NBPF11: variants seen among roughly 807,000 people sequenced by gnomAD.
NBPF11 encodes NBPF family member NBPF11.
NBPF11 carries 72 observed loss-of-function variants against 93.9 expected under a neutral mutation model. The observed-to-expected ratio is 0.77, with a 90% CI of 0.63 to 0.93. NBPF11 has a LOEUF of 0.93. Among genes scored for constraint, NBPF11 ranks in the 40% least tolerant of loss-of-function variants. The pLI is 0.00. For missense variants in NBPF11, 705 were observed against 802.2 expected, an observed-to-expected ratio of 0.88 and a Z score of 1.46; for synonymous variants, 224 against 304.9, an observed-to-expected ratio of 0.73 and a Z score of 2.76.
At chr1:148,122,680 A>C (rs1553271873) in intron 8 of NBPF11, 49 bp downstream of exon 8, 2 of 1,603,818 alleles carry the variant, frequency 1.2e-6, no homozygotes, top group Admixed American at 1.7e-5. Context: ...CCTCCTAGAC[A>C]TTTTCATATG....
rs1367068763 is a variant in NBPF11 at position 148,113,296 on chromosome 1, C to A, written c.1637+1141G>T. On this transcript the variant is annotated intron_variant, in intron 15 of 23. Coordinates refer to ENST00000682118, the MANE Select transcript of NBPF11 (RefSeq NM_001385469.3). ...GAAGATCTACCAAGCAAATGGAAAG[C>A]AAAAAAACGCAGGGGTTGCAATCCT... 7.0e-3 allele frequency among the ~76,000 whole-genome samples: 1,066 copies of A among 151,452 alleles called. 30 individuals are homozygous for A. Among genetic ancestry groups the A allele is most frequent in the African/African-American group, 0.025 (1,023 of 41,168 alleles).
intron 1 of NBPF11, among the ~76,000 whole-genome samples, chr1:148,148,700 G>T (rs1647379336): frequency 6.6e-6 from 1 of 152,148 alleles, no homozygotes; most frequent in South Asian, 2.1e-4. Context: ...GGCCAAGGGG[G>T]TGGGCAAGGG....
chr1:148,142,056 G>C (rs1489534930), intron 2 of NBPF11, among the ~76,000 whole-genome samples: 6 of 145,416 alleles, frequency 4.1e-5, no homozygotes, highest in African/African-American at 1.3e-4. Flanking sequence ...CAGGGAGGGA[G>C]GGAGGAAGGG....
At chr1:148,149,090 G>A (rs1439114214) in intron 1 of NBPF11, 17 of 1,386,736 alleles carry the variant, frequency 1.2e-5, no homozygotes, top group East Asian at 2.5e-5. Flanking sequence ...AGCTGGGCCC[G>A]GGGACGCCCG....
intron 1 of NBPF11, chr1:148,146,455 C>T (rs1158956733): frequency 1.9e-5 from 30 of 1,604,400 alleles, no homozygotes; most frequent in East Asian, 6.7e-5. Context: ...CTGCCCCGGC[C>T]GCATCGCTGC....
intron 4 of NBPF11, among the ~76,000 whole-genome samples, chr1:148,129,090 GTATA>G (rs1323758693): frequency 7.2e-6 from 1 of 138,392 alleles, no homozygotes; most frequent in Middle Eastern, 3.7e-3. Flanking sequence ...TGGCACACGT[GTATA>G]TATATATATA....
intron 5 of NBPF11, 53 bp downstream of exon 5, chr1:148,126,776 C>T: frequency 6.3e-7 from 1 of 1,582,476 alleles, no homozygotes; most frequent in Non-Finnish European, 8.6e-7. Flanking sequence ...ATGGAGAGAG[C>T]ATTTAGTGTC....
chr1:148,122,902 G>A (rs587721501), intron 7 of NBPF11, 101 bp from the exon 8 acceptor site: 1 of 1,597,330 alleles, frequency 6.3e-7, no homozygotes, highest in Non-Finnish European at 8.6e-7. Flanking sequence ...GTATGGTTCA[G>A]CATTGTACTG....
At position 148,105,344 on chromosome 1, in the gene NBPF11, A is replaced by T. The variant is rs1249712589; in HGVS notation, c.2472+16T>A. 1.3e-6 allele frequency: 1 copy of T among 759,696 alleles called. No homozygotes were observed. The highest frequency in any genetic ancestry group is 2.4e-6 in the Non-Finnish European group (1 of 415,630). 47.1% of individuals were successfully genotyped at this position (759,696 alleles called of 1,614,324 possible). On this transcript the variant is annotated intron_variant, in intron 22 of 23. Transcript: ENST00000682118. Reference sequence around the variant, plus strand: ...GACTCAGTGGATCCTTATCACCTTCATAGAAAGGTACTCACCTCCCACGTC... The same window carrying T: ...GACTCAGTGGATCCTTATCACCTTCTTAGAAAGGTACTCACCTCCCACGTC...
intron 18 of NBPF11, among the ~76,000 whole-genome samples, chr1:148,108,064 G>T (rs1664198156): frequency 1.3e-5 from 2 of 150,078 alleles, no homozygotes; most frequent in African/African-American, 2.5e-5. Flanking sequence ...GCCCCCAAAT[G>T]GTTGCTAGGA....
chr1:148,104,352 G>A (rs1430704312), intron 23 of NBPF11, among the ~76,000 whole-genome samples, 185 bp downstream of exon 23: 2 of 146,896 alleles, frequency 1.4e-5, no homozygotes, highest in South Asian at 4.2e-4. Context: ...TGGTACGTTA[G>A]TAAATGATAA....
chr1:148,149,585 G>T, intron 1 of NBPF11: 2 of 1,592,982 alleles, frequency 1.3e-6, no homozygotes, highest in East Asian at 2.2e-5. Flanking sequence ...CCAACCAGCC[G>T]GACCTCAGCA....
chr1:148,115,407 A>G (rs28686797), intron 14 of NBPF11, among the ~76,000 whole-genome samples: 1 of 150,102 alleles, frequency 6.7e-6, no homozygotes, highest in Non-Finnish European at 1.5e-5. Context: ...GGGGAAAAAT[A>G]TTTCCAAATA....
intron 2 of NBPF11, among the ~76,000 whole-genome samples, chr1:148,142,151 GGGAA>G (rs1672301576): frequency 1.3e-5 from 2 of 151,360 alleles, no homozygotes; most frequent in African/African-American, 4.9e-5. Context: ...GAGGGAAGTA[GGGAA>G]GGGAGAGAAG....
chr1:148,132,518 T>G (rs1313905118), intron 4 of NBPF11, among the ~76,000 whole-genome samples: 1 of 150,140 alleles, frequency 6.7e-6, no homozygotes, highest in Non-Finnish European at 1.5e-5. Flanking sequence ...GCTTGAAAAT[T>G]TCTACCAAAA....
chr1:148,146,824 ACCTAC>A, intron 1 of NBPF11: 1 of 1,612,122 alleles, frequency 6.2e-7, no homozygotes, highest in Non-Finnish European at 8.5e-7. Flanking sequence ...CAACATCTTC[ACCTAC>A]GACTCCTCCG....
intron 3 of NBPF11, 64 bp from the exon 4 acceptor site, chr1:148,135,877 C>A (rs1199424315): frequency 1.1e-6 from 1 of 885,400 alleles, no homozygotes; most frequent in African/African-American, 1.7e-5. Context: ...CAATGAGACA[C>A]TTTCTTACCA....
At chr1:148,149,814 C>A (rs1329743900) in intron 1 of NBPF11, among the ~76,000 whole-genome samples, 2 of 151,260 alleles carry the variant, frequency 1.3e-5, no homozygotes, top group South Asian at 4.2e-4. Flanking sequence ...ATTTAACAGG[C>A]ACTTCATAAA....
Position 148,146,360 on chromosome 1 carries a change from GC to G in NBPF11, c.-548-2675del, listed in dbSNP as rs1673069201. 7.3e-6 allele frequency: 11 copies of G among 1,499,156 alleles called. No individual in the cohort carries two copies. In the African/African-American group the frequency reaches 8.7e-5, roughly 12 times the overall value. The allele number at this position is 1,499,156 out of a possible 1,614,324, so 92.9% of individuals were successfully genotyped here. On this transcript the variant is annotated intron_variant, in intron 1 of 23. Coordinates refer to ENST00000682118, the MANE Select transcript of NBPF11 (RefSeq NM_001385469.3). ...AGGCCGGGCGGCGTTGTTGGCGGGGGCCCCGGTGGAGGCCCGGCCCGGGCGG... is the reference window on the plus strand; with the variant it reads ...AGGCCGGGCGGCGTTGTTGGCGGGGGCCCGGTGGAGGCCCGGCCCGGGCGG...
Sources: allele counts gnomAD v4.1 joint callset (sites outside exome capture counted in the v4.1 genomes callset), GRCh38; gene constraint gnomAD v4.1.1; transcripts MANE v1.5; gene names NCBI Gene and HGNC (gene_info 2026-07-23, HGNC 2026-07-21).